The following INPP5A variants were observed in gnomAD, a reference collection of about 807,000 sequenced individuals.
The protein encoded by INPP5A is 43 kDa inositol polyphosphate 5-phophatase.
Under a neutral mutation model 65.2 loss-of-function variants are expected in INPP5A, and 14 were observed. The observed-to-expected ratio is 0.21, with a 90% CI of 0.14 to 0.34. The LOEUF (loss-of-function observed/expected upper bound fraction) is 0.34, where lower values mean the gene tolerates loss of function less well. Ranked by LOEUF, INPP5A falls within the 10% of genes least tolerant of loss-of-function variation. INPP5A has a pLI of 1.00. For missense variants in INPP5A, 431 were observed against 545.6 expected (o/e 0.79, Z 2.09); for synonymous variants, 207 against 208.3 (o/e 0.99, Z 0.05).
chr10:132,681,970 G>A (rs2073052465), intron 4 of INPP5A, among the ~76,000 whole-genome samples: 1 of 152,214 alleles, frequency 6.6e-6, no homozygotes, highest in African/African-American at 2.4e-5. Flanking sequence ...CCACTTACAT[G>A]AGGTACTCGG....
At chr10:132,597,770 C>T (rs1315809365) in intron 1 of INPP5A, among the ~76,000 whole-genome samples, 7 of 151,070 alleles carry the variant, frequency 4.6e-5, no homozygotes, top group Non-Finnish European at 8.9e-5. Flanking sequence ...TGTAGTGACC[C>T]TGGGCCTGTG....
Position 132,587,635 on chromosome 10 carries a change from A to C in INPP5A, c.76-20280A>C, listed in dbSNP as rs1300047184. Among the ~76,000 whole-genome samples, 1 of 152,170 alleles carries C rather than the reference A, an allele frequency of 6.6e-6. No individual in the cohort carries two copies. The highest frequency in any genetic ancestry group is 1.5e-5 in the Non-Finnish European group (1 of 68,020). On this transcript the variant is annotated intron_variant, in intron 1 of 15. Transcript: ENST00000368594. The surrounding 1 kb of genome is among the most constrained non-coding windows in gnomAD (Gnocchi z 4.3). The stretch of plus-strand genomic sequence containing the variant: ...GCCGTGCTCAGAAGCTAGCCAGAGG[A>C]TTCCGTTCAGAAACGGGGCCTGTAG...
intron 1 of INPP5A, among the ~76,000 whole-genome samples, chr10:132,599,641 C>G (rs1301996457): frequency 1.3e-5 from 2 of 152,258 alleles, no homozygotes; most frequent in South Asian, 2.1e-4. Context: ...AATAGAGACT[C>G]TGTGTGGGGG....
rs192253259 is a variant in INPP5A at position 132,716,280 on chromosome 10, C to T, written c.647+5824C>T. Among the ~76,000 whole-genome samples, 316 of 152,380 alleles carry T rather than the reference C, an allele frequency of 2.1e-3. 3 individuals are homozygous for T. The highest frequency in any genetic ancestry group is 0.013 in the Admixed American group (195 of 15,312). On this transcript the variant is annotated intron_variant, in intron 8 of 15. Coordinates refer to ENST00000368594, the MANE Select transcript of INPP5A (RefSeq NM_005539.5). Reference sequence around the variant, plus strand: ...GCATCAGCCTGAATTCAGCACCTGTCGCTCCTTTGCAGCTTTCTGGCCTCT... The same window carrying T: ...GCATCAGCCTGAATTCAGCACCTGTTGCTCCTTTGCAGCTTTCTGGCCTCT...
chr10:132,558,805 C>CT (rs1391468584), intron 1 of INPP5A, among the ~76,000 whole-genome samples: 1 of 152,248 alleles, frequency 6.6e-6, no homozygotes, highest in Non-Finnish European at 1.5e-5. Flanking sequence ...TTCCATGTGG[C>CT]TTTTGAAGCC....
At chr10:132,738,346 T>C (rs990422532) in intron 9 of INPP5A, among the ~76,000 whole-genome samples, 1 of 152,238 alleles carries the variant, frequency 6.6e-6, no homozygotes, top group Admixed American at 6.5e-5. Context: ...TCAGTGGCTC[T>C]GACAAGCATA....
At chr10:132,721,064 G>A (rs562204008) in intron 8 of INPP5A, among the ~76,000 whole-genome samples, 203 of 147,654 alleles carry the variant, frequency 1.4e-3, no homozygotes, top group Middle Eastern at 3.8e-3. Context: ...TTAGATGGCT[G>A]TCTTCAGGGT....
chr10:132,778,336 A>G (rs564035291), intron 13 of INPP5A, among the ~76,000 whole-genome samples: 56 of 130,824 alleles, frequency 4.3e-4, no homozygotes, highest in African/African-American at 1.6e-3. Flanking sequence ...TTTTTTTACA[A>G]AAGAGGTGAT....
In INPP5A at chr10:132,545,749, G is replaced by T. The variant is rs1590818233; in HGVS notation, c.75+7578G>T. ...AGGAACTGAGCTCAGAGGCTCTGGAGCCCCAAGTCGCACCCCACCAGGTCT... is the reference window on the plus strand; with the variant it reads ...AGGAACTGAGCTCAGAGGCTCTGGATCCCCAAGTCGCACCCCACCAGGTCT... On this transcript the variant is annotated intron_variant, in intron 1 of 15. Coordinates refer to ENST00000368594, the MANE Select transcript of INPP5A (RefSeq NM_005539.5). The surrounding 1 kb of genome is among the most constrained non-coding windows in gnomAD (Gnocchi z 4.6). Among the ~76,000 whole-genome samples the T allele has an allele frequency of 1.3e-5, 2 of 152,334 alleles. No individual in the cohort carries two copies. Among genetic ancestry groups the T allele is most frequent in the East Asian group, 1.9e-4 (1 of 5,172 alleles).
intron 9 of INPP5A, among the ~76,000 whole-genome samples, chr10:132,738,916 C>T (rs1442616948): frequency 1.3e-5 from 2 of 152,222 alleles, no homozygotes; most frequent in Non-Finnish European, 2.9e-5. Context: ...GTCTGTGCTC[C>T]AGGGCCTCAC....
chr10:132,569,477 C>G (rs902340215), intron 1 of INPP5A, among the ~76,000 whole-genome samples: 1 of 152,124 alleles, frequency 6.6e-6, no homozygotes, highest in African/African-American at 2.4e-5. Context: ...CCAACTCAGC[C>G]CCCTGAGTAG....
intron 2 of INPP5A, 47 bp from the exon 3 acceptor site, chr10:132,645,821 C>T (rs757915460): frequency 2.1e-5 from 31 of 1,449,410 alleles, no homozygotes; most frequent in Non-Finnish European, 2.9e-5. Flanking sequence ...ACGTGTGGCT[C>T]TGTGGACGGC....
In INPP5A at chr10:132,697,585, G is replaced by A. The variant is rs1210845574; in HGVS notation, c.371-231G>A. ...AGTCTGGGAGCTCTCAGGCGATAAT[G>A]GAGTGGAGTGTCAGATTCCAGGTCA... On this transcript the variant is annotated intron_variant, in intron 5 of 15. Coordinates refer to ENST00000368594, the MANE Select transcript of INPP5A (RefSeq NM_005539.5). The surrounding 1 kb of genome is among the most constrained non-coding windows in gnomAD (Gnocchi z 5.6). Among the ~76,000 whole-genome samples, 3 of 152,212 alleles carry A rather than the reference G, an allele frequency of 2.0e-5. No homozygotes were observed. Among genetic ancestry groups the A allele is most frequent in the Non-Finnish European group, 4.4e-5 (3 of 68,038 alleles).
Position 132,651,861 on chromosome 10 carries a change from C to T in INPP5A, c.306+1356C>T, listed in dbSNP as rs976446973. On this transcript the variant is annotated intron_variant, in intron 4 of 15. Transcript: ENST00000368594. This position sits in a 1 kb window ranked among gnomAD's most constrained non-coding sequence, Gnocchi z 5.0. ...AGTCTGTACAATCCCGGGAATCCCC[C>T]GTTCGGTCTCCGACCCTCGCCCTGT... 2.0e-5 allele frequency among the ~76,000 whole-genome samples: 3 copies of T among 152,184 alleles called. No individual in the cohort carries two copies. Among genetic ancestry groups the T allele is most frequent in the Non-Finnish European group, 4.4e-5 (3 of 68,020 alleles).
Position 132,762,704 on chromosome 10 carries a change from G to A in INPP5A, c.904-3069G>A, listed in dbSNP as rs139358573. Among the ~76,000 whole-genome samples, 611 of 152,264 alleles carry A rather than the reference G, an allele frequency of 4.0e-3. 7 individuals carry two copies. Among genetic ancestry groups the A allele is most frequent in the Admixed American group, 4.9e-3 (75 of 15,296 alleles). Reference sequence around the variant, plus strand: ...TGCTTTTTGTGGACTCATGCATGGCGGTAATATAGAAACATACTTGGGGCT... The same window carrying A: ...TGCTTTTTGTGGACTCATGCATGGCAGTAATATAGAAACATACTTGGGGCT... On this transcript the variant is annotated intron_variant, in intron 11 of 15. Coordinates refer to ENST00000368594, the MANE Select transcript of INPP5A (RefSeq NM_005539.5). The surrounding 1 kb of genome is among the most constrained non-coding windows in gnomAD (Gnocchi z 4.6).
intron 9 of INPP5A, among the ~76,000 whole-genome samples, chr10:132,742,788 C>T (rs117655563): frequency 0.018 from 2,693 of 152,348 alleles, 42 homozygotes; most frequent in South Asian, 0.039. Context: ...CATTGAAATT[C>T]ATGATGCCGG....
rs575980919 is a variant in INPP5A, at chr10:132,543,724, T to G, written c.75+5553T>G. ...TGAGCCACAGTGCCAAGTCTCTTTATTCCTGTTTATGGCTGAATAATATTC... is the reference window on the plus strand; with the variant it reads ...TGAGCCACAGTGCCAAGTCTCTTTAGTCCTGTTTATGGCTGAATAATATTC... On this transcript the variant is annotated intron_variant, in intron 1 of 15. Transcript: ENST00000368594. Among the ~76,000 whole-genome samples the G allele has an allele frequency of 3.9e-5, 6 of 152,378 alleles. No homozygotes were observed. In the South Asian group the frequency reaches 1.0e-3, roughly 26 times the overall value.
At chr10:132,747,993 C>G (rs1016634853) in intron 9 of INPP5A, among the ~76,000 whole-genome samples, 1 of 152,158 alleles carries the variant, frequency 6.6e-6, no homozygotes, top group Non-Finnish European at 1.5e-5. Flanking sequence ...AAGGTTAAAA[C>G]GAGCCTTGAT....
At chr10:132,578,065 T>C (rs2071430999) in intron 1 of INPP5A, among the ~76,000 whole-genome samples, 1 of 152,242 alleles carries the variant, frequency 6.6e-6, no homozygotes, top group Non-Finnish European at 1.5e-5. Context: ...GGCTCAGTAT[T>C]GAACTGCATT....
Sources: gnomAD v4.1 joint callset for allele counts (sites outside exome capture counted in the v4.1 genomes callset) on GRCh38, gnomAD v4.1.1 for gene constraint, Gnocchi (gnomAD v3.1) non-coding constraint, MANE v1.5 for transcripts, NCBI Gene and HGNC (gene_info 2026-07-23, HGNC 2026-07-21) for gene names.